The following AHDC1 variants were observed in gnomAD, a reference collection of about 807,000 sequenced individuals.
AHDC1 encodes the protein AT-hook DNA binding motif containing 1, also known as transcription factor Gibbin.
In AHDC1, 7 loss-of-function variants were observed where a neutral mutation model predicts 87.9. That is an observed-to-expected ratio of 0.08 (90% CI 0.05 to 0.15). The LOEUF is 0.15. AHDC1 is among the 10% of genes least tolerant of loss of function. The probability of loss-of-function intolerance (pLI) is 1.00; values close to 1 mark genes in which losing one functional copy is unlikely to be tolerated. For synonymous variants in AHDC1, 1,051 were observed against 1,006.8 expected, an observed-to-expected ratio of 1.04 and a Z score of -0.83; for missense variants, 1,841 against 2,253.2, an observed-to-expected ratio of 0.82 and a Z score of 3.70.
chr1:27,584,520 T>G (rs1301589010), intron 3 of AHDC1, among the ~76,000 whole-genome samples: 3 of 152,188 alleles, frequency 2.0e-5, no homozygotes, highest in Non-Finnish European at 4.4e-5. Context: ...GCAATGTTTT[T>G]CTCTTATTGT....
intron 3 of AHDC1, among the ~76,000 whole-genome samples, chr1:27,585,066 G>T (rs1429594036): frequency 6.6e-6 from 1 of 151,652 alleles, no homozygotes; most frequent in Non-Finnish European, 1.5e-5. Flanking sequence ...CCAGCTACTT[G>T]GTCTGGGCGA....
rs932481381 is a variant in AHDC1 at position 27,550,628 on chromosome 1, A to G, written c.1488T>C (p.Ser496=). Residue 496 remains serine (S), a synonymous_variant, in exon 8 of 9, where the codon TCT becomes TCC. Coordinates refer to ENST00000673934, the MANE Select transcript of AHDC1 (RefSeq NM_001371928.1). The stretch of plus-strand genomic sequence containing the variant: ...CCACGCTCAGGCTGCTGCTCAAGGA[A>G]GACACTTTGTATGTGGTCTTGTTCC... The part of the protein sequence containing the change: ...GRRNKTTYKV[S]SLSSSLSVEG... 6.8e-6 allele frequency: 11 copies of G among 1,613,600 alleles called. No homozygotes were observed. Among genetic ancestry groups the G allele is most frequent in the Non-Finnish European group, 9.3e-6 (11 of 1,180,042 alleles).
rs2089428017 is a variant in AHDC1 at position 27,598,154 on chromosome 1, G to A, written c.-629+5243C>T. ...GAGGGGGTGCAGAGCTGCAGCTTCT[G>A]GAAGCTTCAGTGGCAGCTGGGCTGA... On this transcript the variant is annotated intron_variant, in intron 3 of 8. Transcript: ENST00000673934. This position sits in a 1 kb window ranked among gnomAD's most constrained non-coding sequence, Gnocchi z 4.2. 6.6e-6 allele frequency among the ~76,000 whole-genome samples: 1 copy of A among 152,224 alleles called. No homozygotes were observed. The highest frequency in any genetic ancestry group is 2.4e-5 in the African/African-American group (1 of 41,452).
At chr1:27,597,105 C>G (rs1422105524) in intron 3 of AHDC1, among the ~76,000 whole-genome samples, 1 of 152,204 alleles carries the variant, frequency 6.6e-6, no homozygotes, top group South Asian at 2.1e-4. Context: ...ACTGAGAGGA[C>G]CTTCTGCCTC....
At position 27,551,100 on chromosome 1, in the gene AHDC1, T is replaced by C. The variant is rs1328098479; in HGVS notation, c.1016A>G (p.Lys339Arg). Reference sequence around the variant, plus strand: ...ACGGCGACCTGGGACGTCAAGCAGCTTGGGCAGGGGGTCGAGTGCCTGGGG... The same window carrying C: ...ACGGCGACCTGGGACGTCAAGCAGCCTGGGCAGGGGGTCGAGTGCCTGGGG... ...LDPQALDPLP[K>R]LLDVPGRRLE... Residue 339 changes from lysine (K) to arginine (R), a missense_variant, in exon 8 of 9, where the codon AAG becomes AGG. Physicochemically the swap from Lys to Arg is conservative, Grantham distance 26. This residue lies in a region of AHDC1 where 370 missense variants were observed against 391.5 expected (regional missense o/e 0.95). Coordinates refer to ENST00000673934, the MANE Select transcript of AHDC1 (RefSeq NM_001371928.1). 3 of 1,576,176 alleles carry C rather than the reference T, an allele frequency of 1.9e-6. No homozygotes were observed. The African/African-American group carries it at 4.1e-5, about 21-fold the overall frequency.
chr1:27,536,688 T>C (rs992818513), intron 8 of AHDC1, among the ~76,000 whole-genome samples: 1 of 152,094 alleles, frequency 6.6e-6, no homozygotes, highest in Admixed American at 6.5e-5. Flanking sequence ...TGAAGAACAG[T>C]TGCCAAGCTA....
rs569391954 is a variant in AHDC1 at position 27,588,858 on chromosome 1, C to T, written c.-629+14539G>A. 2.1e-4 allele frequency among the ~76,000 whole-genome samples: 32 copies of T among 151,926 alleles called. No individual in the cohort carries two copies. The East Asian group carries it at 3.9e-3, about 18-fold the overall frequency. ...GGAAGGCTGTGTGTGCACAGGATGC[C>T]GTGTGTGTACATGATGGAGGTTGTG... On this transcript the variant is annotated intron_variant, in intron 3 of 8. Transcript: ENST00000673934.
Position 27,551,039 on chromosome 1 carries a change from C to G in AHDC1, c.1077G>C (p.Leu359=). 6.4e-7 allele frequency: 1 copy of G among 1,557,488 alleles called. No individual in the cohort carries two copies. The highest frequency in any genetic ancestry group is 8.7e-7 in the Non-Finnish European group (1 of 1,155,148). ...ACAAGTCCAGGCGCAAGGGCTCGGC[C>G]AGTGGGCAGTGCCCCAGGGGCTGCT... ...EPQQPLGHCP[L]AEPLRLDLCS... The change falls in exon 8 of 9, where the codon CTG becomes CTC. Residue 359 remains leucine (L), a synonymous_variant. Transcript: ENST00000673934.
In AHDC1 at chr1:27,551,372, C is replaced by T. The variant is rs2148292631; in HGVS notation, c.744G>A (p.Leu248=). The change falls in exon 8 of 9, where the codon CTG becomes CTA. Residue 248 remains leucine (L), a synonymous_variant. Coordinates refer to ENST00000673934, the MANE Select transcript of AHDC1 (RefSeq NM_001371928.1). Reference sequence around the variant, plus strand: ...GGGCCTCTGGGCAAGTGAGGGAGGCCAGCTCACTAAGGATGTCGGCGTCAG... The same window carrying T: ...GGGCCTCTGGGCAAGTGAGGGAGGCTAGCTCACTAAGGATGTCGGCGTCAG... ...ELADADILSE[L]ASLTCPEAQL... The T allele has an allele frequency of 6.2e-7, 1 of 1,613,752 alleles. No homozygotes were observed. Among genetic ancestry groups the T allele is most frequent in the Non-Finnish European group, 8.5e-7 (1 of 1,179,952 alleles).
chr1:27,556,213 T>G, intron 5 of AHDC1, among the ~76,000 whole-genome samples: 1 of 7,636 alleles, frequency 1.3e-4, no homozygotes, highest in Admixed American at 1.5e-3. Flanking sequence ...ACCCCACCCC[T>G]TCCCCAGCCC....
chr1:27,543,921 C>T (rs1282663945), intron 8 of AHDC1, among the ~76,000 whole-genome samples: 1 of 150,794 alleles, frequency 6.6e-6, no homozygotes, highest in Non-Finnish European at 1.5e-5. Context: ...CCAGCCTCGG[C>T]GACACAGTGA....
In AHDC1 at chr1:27,558,075, G is replaced by C. The variant is rs913422617; in HGVS notation, c.-225+230C>G. Among the ~76,000 whole-genome samples the C allele has an allele frequency of 6.6e-6, 1 of 152,226 alleles. No homozygotes were observed. Among genetic ancestry groups the C allele is most frequent in the African/African-American group, 2.4e-5 (1 of 41,456 alleles). On this transcript the variant is annotated intron_variant, in intron 5 of 8. Transcript: ENST00000673934. The surrounding 1 kb of genome is among the most constrained non-coding windows in gnomAD (Gnocchi z 5.6). ...CTTTGGAAGTAGGGTGGGGTCCCCA[G>C]GCAGGCTCAGCTCTAGGGAGCTTCC... is the stretch of plus-strand genomic sequence containing the variant.
At chr1:27,572,281 C>T (rs1251160730) in intron 3 of AHDC1, among the ~76,000 whole-genome samples, 1 of 152,128 alleles carries the variant, frequency 6.6e-6, no homozygotes, top group Non-Finnish European at 1.5e-5. Flanking sequence ...GGGCTTGAGG[C>T]TGCCTGCCTG....
chr1:27,541,017 A>AC (rs1031457331), intron 8 of AHDC1, among the ~76,000 whole-genome samples: 5 of 150,646 alleles, frequency 3.3e-5, no homozygotes, highest in South Asian at 2.1e-4. Context: ...AAAAAAAAAA[A>AC]AAAAAAAAAC....
intron 3 of AHDC1, among the ~76,000 whole-genome samples, chr1:27,578,387 G>A (rs1357126145): frequency 1.3e-5 from 2 of 151,922 alleles, no homozygotes; most frequent in Non-Finnish European, 2.9e-5. Flanking sequence ...TCAGGAGTTC[G>A]AGACCAGCCT....
At chr1:27,571,264 T>G (rs753737974) in intron 3 of AHDC1, among the ~76,000 whole-genome samples, 13 of 152,090 alleles carry the variant, frequency 8.5e-5, no homozygotes, top group Non-Finnish European at 1.3e-4. Context: ...CATGAGCTAG[T>G]GCTGAGGGTG....
Position 27,563,125 on chromosome 1 carries a change from G to A in AHDC1, c.-628-4242C>T, listed in dbSNP as rs1010240825. ...ACAGCTGACCAAGACACACACACAC[G>A]CACGCACGCATGCATGCACACACCC... is the stretch of plus-strand genomic sequence containing the variant. On this transcript the variant is annotated intron_variant, in intron 3 of 8. Coordinates refer to ENST00000673934, the MANE Select transcript of AHDC1 (RefSeq NM_001371928.1). This position sits in a 1 kb window ranked among gnomAD's most constrained non-coding sequence, Gnocchi z 6.1. Among the ~76,000 whole-genome samples the A allele has an allele frequency of 1.3e-4, 19 of 144,370 alleles. No homozygotes were observed. The South Asian group carries it at 3.2e-3, about 24-fold the overall frequency. 94.7% of individuals were successfully genotyped at this position (144,370 alleles called of 152,430 possible).
Position 27,552,016 on chromosome 1 carries a change from T to TG in AHDC1, c.99dup (p.Thr34HisfsTer16), listed in dbSNP as rs759182686. On this transcript the variant is annotated frameshift_variant, in exon 8 of 9. Coordinates refer to ENST00000673934, the MANE Select transcript of AHDC1 (RefSeq NM_001371928.1). LOFTEE classifies it high-confidence loss of function. ...CGGGTGGGAAGCAGGGGCCGGGGGGTGGGGGGGCCGCCGGGGTAGTACTTG... is the reference window on the plus strand; with the variant it reads ...CGGGTGGGAAGCAGGGGCCGGGGGGTGGGGGGGGCCGCCGGGGTAGTACTTG... The TG allele has an allele frequency of 4.0e-4, 30 of 74,820 alleles. No individual in the cohort carries two copies. The highest frequency in any genetic ancestry group is 2.3e-3 in the South Asian group (8 of 3,516). The allele number at this position is 74,820 out of a possible 1,614,324, so 4.6% of individuals were successfully genotyped here.
chr1:27,538,400 C>CAAAAAAAAAAAAAAAAAAAAAAAAAAA, intron 8 of AHDC1, among the ~76,000 whole-genome samples: 1 of 60,704 alleles, frequency 1.6e-5, no homozygotes, highest in Non-Finnish European at 3.6e-5. Context: ...AAGACTGTCT[C>CAAAAAAAAAAAAAAAAAAAAAAAAAAA]AAAAAAAAAA....
Sources: allele counts gnomAD v4.1 joint callset (sites outside exome capture counted in the v4.1 genomes callset), GRCh38; gene constraint gnomAD v4.1.1; regional missense constraint gnomAD v4.1.1; non-coding constraint Gnocchi (gnomAD v3.1); transcripts MANE v1.5; gene names NCBI Gene and HGNC (gene_info 2026-07-23, HGNC 2026-07-21).